SGCZ: variants seen among roughly 807,000 people sequenced by gnomAD.
SGCZ encodes the protein sarcoglycan zeta.
A neutral mutation model predicts 41.3 loss-of-function variants in SGCZ; 40 were observed. That is an observed-to-expected ratio of 0.97 (90% CI 0.75 to 1.26). SGCZ has a LOEUF of 1.26. Among genes scored for constraint, SGCZ ranks in the 50% most tolerant of loss-of-function variants. The pLI, the probability that SGCZ is intolerant of heterozygous loss-of-function variation, is 0.00. For synonymous variants in SGCZ, 206 were observed against 137.5 expected (o/e 1.50, Z -3.49); for missense variants, 552 against 369.8 (o/e 1.49, Z -4.04).
At chr8:14,355,512 A>C (rs1009153173) in intron 2 of SGCZ, among the ~76,000 whole-genome samples, 1 of 152,052 alleles carries the variant, frequency 6.6e-6, no homozygotes, top group Non-Finnish European at 1.5e-5. Flanking sequence ...AATCTTGGTA[A>C]AAATTCACTT....
intron 2 of SGCZ, among the ~76,000 whole-genome samples, chr8:14,353,359 A>C (rs1422709552): frequency 6.6e-6 from 1 of 152,038 alleles, no homozygotes; most frequent in African/African-American, 2.4e-5. Context: ...TATGAATTTC[A>C]CATACCTGTG....
chr8:14,264,146 C>A (rs979048001), intron 3 of SGCZ, among the ~76,000 whole-genome samples: 3 of 152,182 alleles, frequency 2.0e-5, no homozygotes, highest in African/African-American at 7.2e-5. Context: ...CCATAGCTGC[C>A]CTGGTCCCAG....
intron 1 of SGCZ, among the ~76,000 whole-genome samples, chr8:14,815,239 T>A (rs1801866513): frequency 2.9e-5 from 4 of 140,098 alleles, no homozygotes; most frequent in Admixed American, 2.7e-4. Flanking sequence ...ATTATCTCAA[T>A]TTTCTTTTTT....
At chr8:14,148,692 A>G (rs916696886) in intron 5 of SGCZ, among the ~76,000 whole-genome samples, 2 of 152,144 alleles carry the variant, frequency 1.3e-5, no homozygotes, top group African/African-American at 4.8e-5. Context: ...CATTCTATAC[A>G]ATCAGTATTA....
rs551170995 is a variant in SGCZ, at chr8:14,890,134, T to C, written c.40-335208A>G. ...CGGGAGGCTGAGGCAGGTGAATCGC[T>C]TCAACGTGGGAGGCGGAAGTTGCAG... On this transcript the variant is annotated intron_variant, in intron 1 of 7. Coordinates refer to ENST00000382080, the MANE Select transcript of SGCZ (RefSeq NM_139167.4). Among the ~76,000 whole-genome samples, 1,480 of 151,744 alleles carry C rather than the reference T, an allele frequency of 9.8e-3. 17 individuals carry two copies. Among genetic ancestry groups the C allele is most frequent in the Non-Finnish European group, 0.015 (1,018 of 67,942 alleles).
intron 1 of SGCZ, among the ~76,000 whole-genome samples, chr8:14,914,896 A>G (rs921117556): frequency 7.2e-5 from 11 of 152,128 alleles, no homozygotes; most frequent in Non-Finnish European, 1.3e-4. Context: ...GAGCCAGCCC[A>G]ATATCCCCCC....
At chr8:15,206,650 TC>T in intron 1 of SGCZ, among the ~76,000 whole-genome samples, 1 of 152,236 alleles carries the variant, frequency 6.6e-6, no homozygotes, top group South Asian at 2.1e-4. Context: ...TGTTTCACCA[TC>T]TTTGCCAGGC....
At chr8:14,290,913 A>G (rs2116944480) in intron 3 of SGCZ, among the ~76,000 whole-genome samples, 1 of 152,292 alleles carries the variant, frequency 6.6e-6, no homozygotes, top group East Asian at 1.9e-4. Flanking sequence ...AACAGTATTC[A>G]CCATAGCTAA....
At chr8:15,168,877 G>C (rs1799744838) in intron 1 of SGCZ, among the ~76,000 whole-genome samples, 1 of 152,160 alleles carries the variant, frequency 6.6e-6, no homozygotes, top group Non-Finnish European at 1.5e-5. Flanking sequence ...GATTGGGCTT[G>C]GGGGAAGGGA....
chr8:15,009,743 A>G (rs1297875422), intron 1 of SGCZ, among the ~76,000 whole-genome samples: 4 of 152,314 alleles, frequency 2.6e-5, no homozygotes, highest in African/African-American at 9.6e-5. Context: ...CTTCATATCT[A>G]TATGAGACCT....
At chr8:14,789,763 A>G (rs1252200084) in intron 1 of SGCZ, among the ~76,000 whole-genome samples, 1 of 152,160 alleles carries the variant, frequency 6.6e-6, no homozygotes, top group Non-Finnish European at 1.5e-5. Flanking sequence ...TGTTCTGACT[A>G]GACCAGTTAG....
intron 3 of SGCZ, among the ~76,000 whole-genome samples, chr8:14,300,360 A>G (rs1313088296): frequency 2.0e-5 from 3 of 151,596 alleles, no homozygotes; most frequent in African/African-American, 7.3e-5. Flanking sequence ...GGGAGAAAGG[A>G]AGGAAGAGAG....
At chr8:14,637,975 C>T (rs1405807095) in intron 1 of SGCZ, among the ~76,000 whole-genome samples, 2 of 151,830 alleles carry the variant, frequency 1.3e-5, no homozygotes, top group East Asian at 1.9e-4. Context: ...TTGCCAGTAT[C>T]TGTTATCCTT....
intron 1 of SGCZ, among the ~76,000 whole-genome samples, chr8:14,733,772 C>T (rs1207000486): frequency 1.3e-5 from 2 of 152,066 alleles, no homozygotes; most frequent in East Asian, 1.9e-4. Flanking sequence ...CATAAGAAGC[C>T]ACAGACCTCA....
intron 1 of SGCZ, among the ~76,000 whole-genome samples, chr8:14,722,682 C>T (rs1809925269): frequency 6.6e-6 from 1 of 151,882 alleles, no homozygotes; most frequent in Non-Finnish European, 1.5e-5. Context: ...GGGAAGACTA[C>T]TGAGATGATA....
intron 4 of SGCZ, among the ~76,000 whole-genome samples, chr8:14,232,609 A>G (rs1192546326): frequency 6.6e-6 from 1 of 151,740 alleles, no homozygotes; most frequent in Non-Finnish European, 1.5e-5. Flanking sequence ...TTTTTATTTT[A>G]TTATTATTAT....
intron 1 of SGCZ, among the ~76,000 whole-genome samples, chr8:14,803,568 A>G (rs115963131): frequency 3.9e-5 from 6 of 152,154 alleles, no homozygotes; most frequent in African/African-American, 1.4e-4. Flanking sequence ...CACCCGGCTC[A>G]GAGGGTCTGA....
chr8:15,117,550 G>C (rs1807319485), intron 1 of SGCZ, among the ~76,000 whole-genome samples: 1 of 152,068 alleles, frequency 6.6e-6, no homozygotes, highest in Admixed American at 6.6e-5. Context: ...GTGTGATATT[G>C]AGCAGGTCAT....
At chr8:15,116,181 C>T (rs952659539) in intron 1 of SGCZ, among the ~76,000 whole-genome samples, 3 of 152,150 alleles carry the variant, frequency 2.0e-5, no homozygotes, top group Non-Finnish European at 4.4e-5. Context: ...TCCCATACAA[C>T]TCTTCATTTT....
Sources: gnomAD v4.1 joint callset for allele counts (sites outside exome capture counted in the v4.1 genomes callset) on GRCh38, gnomAD v4.1.1 for gene constraint, MANE v1.5 for transcripts, NCBI Gene and HGNC (gene_info 2026-07-23, HGNC 2026-07-21) for gene names.